Variants in DNAH14 observed in about 807,000 individuals in gnomAD.
The protein encoded by DNAH14 is axonemal beta dynein heavy chain 14.
A neutral mutation model predicts 520.9 loss-of-function variants in DNAH14; 478 were observed. The observed-to-expected ratio is 0.92, with a 90% CI of 0.85 to 0.99. The LOEUF (loss-of-function observed/expected upper bound fraction) is 0.99, where lower values mean the gene tolerates loss of function less well. Among genes scored for constraint, DNAH14 ranks in the 50% least tolerant of loss-of-function variants. The pLI is 0.00. For synonymous variants in DNAH14, 1,581 were observed against 1,757.2 expected (o/e 0.90, Z 2.51); for missense variants, 4,831 against 5,234.5 (o/e 0.92, Z 2.38).
Position 225,032,256 on chromosome 1 carries a change from A to G in DNAH14, c.1359-6438A>G, listed in dbSNP as rs573311018. 3.9e-5 allele frequency among the ~76,000 whole-genome samples: 6 copies of G among 152,054 alleles called. No individual in the cohort carries two copies. The South Asian group carries it at 1.2e-3, about 32-fold the overall frequency. ...TACCTTCCTGGCTCAAGTAGACCCC[A>G]GTGTCTGTTGTTTCCTTATTTGTGT... On this transcript the variant is annotated intron_variant, in intron 11 of 85. Coordinates refer to ENST00000682510, the MANE Select transcript of DNAH14 (RefSeq NM_001367479.1).
chr1:225,381,424 A>G lies in DNAH14; in HGVS notation c.12922A>G (p.Lys4308Glu). Residue 4308 changes from lysine to glutamate, a missense_variant, in exon 81 of 86, where the codon AAG (lysine) becomes GAG (glutamate). Lys to Glu is a moderately conservative substitution (Grantham distance 56). Coordinates refer to ENST00000682510, the MANE Select transcript of DNAH14 (RefSeq NM_001367479.1). ...LIHCVLLTFL[K>E]QEIKRFDKLL... The stretch of plus-strand genomic sequence containing the variant: ...CCATTGTGTCTTGCTAACCTTTTTG[A>G]AGCAAGAAATTAAACGATTTGATAA... 1.3e-6 allele frequency: 2 copies of G among 1,549,952 alleles called. No individual in the cohort carries two copies. The highest frequency in any genetic ancestry group is 1.7e-6 in the Non-Finnish European group (2 of 1,146,708).
intron 60 of DNAH14, among the ~76,000 whole-genome samples, chr1:225,313,701 CA>C (rs2094414704): frequency 6.6e-6 from 1 of 152,116 alleles, no homozygotes; most frequent in Admixed American, 6.5e-5. Context: ...ATTATTTACC[CA>C]GTAGTCATTC....
intron 49 of DNAH14, among the ~76,000 whole-genome samples, chr1:225,268,005 A>C (rs2093181516): frequency 6.6e-6 from 1 of 152,088 alleles, no homozygotes; most frequent in South Asian, 2.1e-4. Flanking sequence ...TAGGTCTTTT[A>C]TGGGATTGCT....
chr1:225,240,616 A>C lies in DNAH14; in HGVS notation c.6542A>C (p.Glu2181Ala). 6.5e-7 allele frequency: 1 copy of C among 1,550,028 alleles called. No individual in the cohort carries two copies. Among genetic ancestry groups the C allele is most frequent in the Non-Finnish European group, 8.7e-7 (1 of 1,145,910 alleles). ...EKRDENTWYP[E>A]KNPDKLTKII... ...AGGGATGAAAATACATGGTATCCAGAGAAAAATCCTGATAAATTAACAAAA... is the reference window on the plus strand; with the variant it reads ...AGGGATGAAAATACATGGTATCCAGCGAAAAATCCTGATAAATTAACAAAA... Residue 2181 changes from glutamate (E) to alanine (A), a missense_variant, in exon 43 of 86, where the codon GAG becomes GCG. Transcript: ENST00000682510.
At chr1:225,395,500 G>C (rs2095996351) in intron 84 of DNAH14, among the ~76,000 whole-genome samples, 1 of 151,918 alleles carries the variant, frequency 6.6e-6, no homozygotes, top group Non-Finnish European at 1.5e-5. Context: ...GCTGAGGCAG[G>C]AGAATGGCGT....
intron 3 of DNAH14, 62 bp from the exon 4 acceptor site, chr1:224,960,091 A>G: frequency 7.0e-7 from 1 of 1,435,682 alleles, no homozygotes; most frequent in Non-Finnish European, 9.3e-7. Flanking sequence ...GGTATGTGGA[A>G]TTACTATGGT....
At chr1:225,067,102 C>G (rs540339312) in intron 17 of DNAH14, among the ~76,000 whole-genome samples, 1 of 151,924 alleles carries the variant, frequency 6.6e-6, no homozygotes, top group South Asian at 2.1e-4. Context: ...GTTATTTTTC[C>G]TCTCTCCCTC....
chr1:224,973,219 G>T, intron 7 of DNAH14, among the ~76,000 whole-genome samples: 1 of 152,170 alleles, frequency 6.6e-6, no homozygotes, highest in East Asian at 1.9e-4. Flanking sequence ...ATGGCTCCAG[G>T]CCTCTTTCAG....
chr1:225,049,254 G>T (rs544788890), intron 15 of DNAH14, among the ~76,000 whole-genome samples: 2 of 151,346 alleles, frequency 1.3e-5, no homozygotes, highest in African/African-American at 4.8e-5. Flanking sequence ...GTAGAGACGG[G>T]GTTTCACCAT....
rs374643871 is a variant in DNAH14 at position 225,390,700 on chromosome 1, A to G, written c.13330+827A>G. Among the ~76,000 whole-genome samples the G allele has an allele frequency of 3.3e-5, 5 of 152,310 alleles. No homozygotes were observed. In the South Asian group the frequency reaches 6.2e-4, roughly 19 times the overall value. ...CAGGTGCGGACAGGGGAAGAAGAGA[A>G]TAATTCGTGGAGCTTACATGGTACT... is the stretch of plus-strand genomic sequence containing the variant. On this transcript the variant is annotated intron_variant, in intron 83 of 85. Coordinates refer to ENST00000682510, the MANE Select transcript of DNAH14 (RefSeq NM_001367479.1).
Position 225,051,777 on chromosome 1 carries a change from G to T in DNAH14, c.2406G>T (p.Lys802Asn), listed in dbSNP as rs1255022985. The change falls in exon 17 of 86, where the codon AAG (lysine) becomes AAT (asparagine). Residue 802 changes from lysine to asparagine, a missense_variant. Coordinates refer to ENST00000682510, the MANE Select transcript of DNAH14 (RefSeq NM_001367479.1). ...HTLIQSVIEK[K>N]NKNLLEVVES... ...TCATACAATCTGTAATTGAAAAAAAGAACAAAAATTTATTGGAAGTAAGTA... is the reference window on the plus strand; with the variant it reads ...TCATACAATCTGTAATTGAAAAAAATAACAAAAATTTATTGGAAGTAAGTA... The T allele has an allele frequency of 9.4e-6, 14 of 1,491,366 alleles. No homozygotes were observed. Among genetic ancestry groups the T allele is most frequent in the Non-Finnish European group, 1.2e-5 (13 of 1,121,186 alleles). The allele number at this position is 1,491,366 out of a possible 1,614,324, so 92.4% of individuals were successfully genotyped here.
intron 8 of DNAH14, among the ~76,000 whole-genome samples, chr1:224,996,714 AT>A (rs1238824233): frequency 6.6e-6 from 1 of 152,102 alleles, no homozygotes; most frequent in African/African-American, 2.4e-5. Flanking sequence ...GAGCCACAAC[AT>A]ATATTCCCCT....
chr1:225,213,199 G>T (rs12091059), intron 41 of DNAH14, among the ~76,000 whole-genome samples: 2 of 152,094 alleles, frequency 1.3e-5, no homozygotes, highest in African/African-American at 2.4e-5. Context: ...TGTCAGGTTT[G>T]TCAAAGATCA....
chr1:225,374,173 A>ATATATATATATC, intron 77 of DNAH14, among the ~76,000 whole-genome samples: 1 of 89,982 alleles, frequency 1.1e-5, no homozygotes, highest in African/African-American at 3.8e-5. Flanking sequence ...ATATATATAT[A>ATATATATATATC]TATATATATA....
chr1:225,117,796 C>T lies in DNAH14; in HGVS notation c.3972+8C>T, dbSNP rs2076980367. On this transcript the variant is annotated splice_region_variant and intron_variant, in intron 24 of 85. Transcript: ENST00000682510. ...AATCCTGAGTCTGTACAGGTAATAACATCTTTCTCTGCTCAGCAATATTAT... is the reference window on the plus strand; with the variant it reads ...AATCCTGAGTCTGTACAGGTAATAATATCTTTCTCTGCTCAGCAATATTAT... 2 of 1,538,430 alleles carry T rather than the reference C, an allele frequency of 1.3e-6. No individual in the cohort carries two copies. Among genetic ancestry groups the T allele is most frequent in the East Asian group, 4.9e-5 (2 of 40,828 alleles).
At chr1:225,201,702 T>C (rs932477819) in intron 38 of DNAH14, among the ~76,000 whole-genome samples, 4 of 151,974 alleles carry the variant, frequency 2.6e-5, no homozygotes, top group African/African-American at 4.8e-5. Flanking sequence ...CTGCACAGAG[T>C]CCTGTGTTGT....
intron 41 of DNAH14, among the ~76,000 whole-genome samples, chr1:225,215,921 A>T (rs1328802860): frequency 6.6e-6 from 1 of 152,112 alleles, no homozygotes; most frequent in Admixed American, 6.6e-5. Context: ...GTTATGTGTG[A>T]ATTTGATCCT....
intron 74 of DNAH14, 97 bp from the exon 75 acceptor site, chr1:225,360,584 C>A (rs1220632042): frequency 1.7e-6 from 2 of 1,177,860 alleles, no homozygotes; most frequent in East Asian, 5.1e-5. Flanking sequence ...ATGACTATAC[C>A]TTTTCCCAAC....
chr1:225,023,543 A>G, intron 10 of DNAH14, 72 bp from the exon 11 acceptor site: 1 of 1,282,588 alleles, frequency 7.8e-7, no homozygotes, highest in Non-Finnish European at 1.0e-6. Flanking sequence ...GATAAAAAAA[A>G]CTAAACTAGA....
Sources: allele counts gnomAD v4.1 joint callset (sites outside exome capture counted in the v4.1 genomes callset), GRCh38; gene constraint gnomAD v4.1.1; transcripts MANE v1.5; gene names NCBI Gene and HGNC (gene_info 2026-07-23, HGNC 2026-07-21).